The following ZMIZ1 variants were observed in gnomAD, a reference collection of about 807,000 sequenced individuals.
The protein encoded by ZMIZ1 is zinc finger MIZ-type containing 1.
In ZMIZ1, 17 loss-of-function variants were observed where a neutral mutation model predicts 113.9. The observed-to-expected ratio is 0.15, with a 90% confidence interval of 0.10 to 0.22. The LOEUF (loss-of-function observed/expected upper bound fraction) is 0.22, where lower values mean the gene tolerates loss of function less well. Ranked by LOEUF, ZMIZ1 falls within the 10% of genes least tolerant of loss-of-function variation. The pLI, the probability that ZMIZ1 is intolerant of heterozygous loss-of-function variation, is 1.00. For synonymous variants in ZMIZ1, 607 were observed against 603.1 expected, an observed-to-expected ratio of 1.01 and a Z score of -0.09; for missense variants, 1,059 against 1,477.8, an observed-to-expected ratio of 0.72 and a Z score of 4.65.
Position 79,296,395 on chromosome 10 carries a change from C to G in ZMIZ1, c.1231-76C>G. ...AAATGAGGAGAGGCGGGCCCCATCC[C>G]GTTGTTCAGGTGACCTGGCTATGTG... On this transcript the variant is annotated intron_variant, in intron 12 of 24. Coordinates refer to ENST00000334512, the MANE Select transcript of ZMIZ1 (RefSeq NM_020338.4). The surrounding 1 kb of genome is among the most constrained non-coding windows in gnomAD (Gnocchi z 4.1). 6.6e-7 allele frequency: 1 copy of G among 1,523,070 alleles called. No individual in the cohort carries two copies. The highest frequency in any genetic ancestry group is 1.2e-5 in the South Asian group (1 of 85,558). 94.3% of individuals were successfully genotyped at this position (1,523,070 alleles called of 1,614,324 possible).
intron 7 of ZMIZ1, among the ~76,000 whole-genome samples, chr10:79,263,764 C>T (rs770018393): frequency 3.3e-5 from 5 of 152,040 alleles, no homozygotes; most frequent in Non-Finnish European, 7.4e-5. Flanking sequence ...CAAGGTCTCT[C>T]GGTGCTCAAA....
chr10:79,123,392 G>T (rs1866158), intron 2 of ZMIZ1, among the ~76,000 whole-genome samples: 35,012 of 152,040 alleles, frequency 0.23, 4,864 homozygotes, highest in East Asian at 0.59. Context: ...CCTCTAGTTG[G>T]GAGGGATTCA....
intron 4 of ZMIZ1, among the ~76,000 whole-genome samples, chr10:79,170,944 A>G (rs1212067637): frequency 6.6e-6 from 1 of 152,040 alleles, no homozygotes; most frequent in African/African-American, 2.4e-5. Context: ...CTAGGAAAAG[A>G]GAGTGCCATC....
At chr10:79,099,148 C>T (rs756275225) in intron 1 of ZMIZ1, among the ~76,000 whole-genome samples, 2 of 152,190 alleles carry the variant, frequency 1.3e-5, no homozygotes, top group Non-Finnish European at 2.9e-5. Flanking sequence ...GTCTGCAAAC[C>T]AGAGCGGAGG....
chr10:79,195,947 C>T (rs572138075), intron 4 of ZMIZ1, among the ~76,000 whole-genome samples: 3 of 152,302 alleles, frequency 2.0e-5, no homozygotes, highest in African/African-American at 7.2e-5. Flanking sequence ...TGGCCTGGTG[C>T]CTGAACATAG....
Position 79,313,978 on chromosome 10 carries a change from A to T in ZMIZ1, c.*1229A>T, listed in dbSNP as rs560002312. On this transcript the variant is annotated 3_prime_UTR_variant, in exon 25 of 25. Transcript: ENST00000334512. ...CCCGGCTGCAGCCCAGGCCATGGAC[A>T]TGTGCACCAGTATGTACCTGCAGGC... is the stretch of plus-strand genomic sequence containing the variant. 1.2e-4 allele frequency: 52 copies of T among 449,104 alleles called. No homozygotes were observed. Among genetic ancestry groups the T allele is most frequent in the Non-Finnish European group, 2.1e-4 (47 of 223,074 alleles). 27.8% of individuals were successfully genotyped at this position (449,104 alleles called of 1,614,324 possible).
chr10:79,278,944 C>T (rs1852492146), intron 8 of ZMIZ1, among the ~76,000 whole-genome samples: 1 of 152,390 alleles, frequency 6.6e-6, no homozygotes, highest in Admixed American at 6.5e-5. Flanking sequence ...TCTCAATGAG[C>T]TGTTGGGTAC....
At chr10:79,252,932 G>A (rs981176782) in intron 7 of ZMIZ1, among the ~76,000 whole-genome samples, 13 of 152,202 alleles carry the variant, frequency 8.5e-5, no homozygotes, top group African/African-American at 2.9e-4. Context: ...ATCCAGATAG[G>A]CAACATATAC....
chr10:79,188,918 T>C (rs761739749), intron 4 of ZMIZ1, among the ~76,000 whole-genome samples: 1 of 152,146 alleles, frequency 6.6e-6, no homozygotes, highest in African/African-American at 2.4e-5. Flanking sequence ...CCCCAACTCA[T>C]CTAACCGGGA....
intron 7 of ZMIZ1, among the ~76,000 whole-genome samples, chr10:79,235,745 A>T (rs982014358): frequency 3.3e-5 from 5 of 152,178 alleles, no homozygotes; most frequent in African/African-American, 1.2e-4. Flanking sequence ...TCAGAATCCC[A>T]CACTGTGCTG....
At chr10:79,295,559 A>G (rs1416283086) in intron 12 of ZMIZ1, 4 of 152,222 alleles carry the variant, frequency 2.6e-5, no homozygotes, top group Non-Finnish European at 5.9e-5. Context: ...GGCACCAGCT[A>G]CGTCTTCTAT....
At chr10:79,243,519 G>C (rs1849988542) in intron 7 of ZMIZ1, 1 of 147,478 alleles carries the variant, frequency 6.8e-6, no homozygotes, top group Non-Finnish European at 1.5e-5. Flanking sequence ...CCCTCGGAGC[G>C]GGCAGCGCGG....
At position 79,170,835 on chromosome 10, in the gene ZMIZ1, TG is replaced by T. The variant is rs1846564985; in HGVS notation, c.-50+8705del. On this transcript the variant is annotated intron_variant, in intron 4 of 24. Transcript: ENST00000334512. ...TCCACGTGGCTCACAATCTGGTCTC[TG>T]GGCCAACCCATGCGGCCCACCATGC... Among the ~76,000 whole-genome samples the T allele has an allele frequency of 5.9e-5, 9 of 151,950 alleles. No homozygotes were observed. In the South Asian group the frequency reaches 1.9e-3, roughly 32 times the overall value.
At chr10:79,295,283 T>A (rs1225648052) in intron 12 of ZMIZ1, 1 of 152,252 alleles carries the variant, frequency 6.6e-6, no homozygotes, top group Non-Finnish European at 1.5e-5. Context: ...GTGCCATGCT[T>A]ATGGCTCTTG....
chr10:79,176,558 G>A lies in ZMIZ1; in HGVS notation c.-50+14425G>A, dbSNP rs961070387. Among the ~76,000 whole-genome samples, 9 of 152,158 alleles carry A rather than the reference G, an allele frequency of 5.9e-5. 1 individual carries two copies. The highest frequency in any genetic ancestry group is 3.4e-3 in the Middle Eastern group (1 of 294). On this transcript the variant is annotated intron_variant, in intron 4 of 24. Coordinates refer to ENST00000334512, the MANE Select transcript of ZMIZ1 (RefSeq NM_020338.4). Reference sequence around the variant, plus strand: ...GGCACAGCCCATTGGCATAACATTCGGTGCACACTGGCTGAATGAACACCC... The same window carrying A: ...GGCACAGCCCATTGGCATAACATTCAGTGCACACTGGCTGAATGAACACCC...
chr10:79,147,816 C>T (rs1244024662), intron 3 of ZMIZ1, among the ~76,000 whole-genome samples: 2 of 152,166 alleles, frequency 1.3e-5, no homozygotes, highest in African/African-American at 4.8e-5. Flanking sequence ...TCCCCTTCCT[C>T]TAGGGAGGTG....
At chr10:79,095,078 T>C (rs1452191991) in intron 1 of ZMIZ1, among the ~76,000 whole-genome samples, 1 of 152,164 alleles carries the variant, frequency 6.6e-6, no homozygotes, top group African/African-American at 2.4e-5. Context: ...GAGCTCTGAC[T>C]CTCAGACCAG....
At chr10:79,235,316 C>A (rs985829865) in intron 7 of ZMIZ1, among the ~76,000 whole-genome samples, 1 of 152,196 alleles carries the variant, frequency 6.6e-6, no homozygotes, top group Non-Finnish European at 1.5e-5. Context: ...GAAGGCTGCA[C>A]CGGGTGATGA....
chr10:79,175,506 T>G (rs1352297038), intron 4 of ZMIZ1, among the ~76,000 whole-genome samples: 1 of 150,058 alleles, frequency 6.7e-6, no homozygotes, highest in African/African-American at 2.4e-5. Flanking sequence ...GGAGGCCTCC[T>G]CTCTATCGCT....
Sources: gnomAD v4.1 joint callset for allele counts (sites outside exome capture counted in the v4.1 genomes callset) on GRCh38, gnomAD v4.1.1 for gene constraint, Gnocchi (gnomAD v3.1) non-coding constraint, MANE v1.5 for transcripts, NCBI Gene and HGNC (gene_info 2026-07-23, HGNC 2026-07-21) for gene names.